SPAG16: variants seen among roughly 807,000 people sequenced by gnomAD.
SPAG16 encodes the protein sperm-associated antigen 16 protein.
SPAG16 carries 86 observed loss-of-function variants against 80.4 expected under a neutral mutation model. The ratio of observed to expected loss-of-function variants is 1.07; its 90% CI spans 0.90 to 1.28. SPAG16 has a LOEUF of 1.28. Ranked by LOEUF, SPAG16 falls within the 50% of genes most tolerant of loss-of-function variation. SPAG16 has a pLI of 0.00. For synonymous variants in SPAG16, 294 were observed against 265.9 expected, an observed-to-expected ratio of 1.11 and a Z score of -1.03; for missense variants, 870 against 765.3, an observed-to-expected ratio of 1.14 and a Z score of -1.61.
intron 10 of SPAG16, among the ~76,000 whole-genome samples, chr2:213,828,154 G>A (rs2073413553): frequency 6.6e-6 from 1 of 151,988 alleles, no homozygotes; most frequent in Non-Finnish European, 1.5e-5. Flanking sequence ...CAGTGACTTA[G>A]ATTTGCCCTT....
intron 10 of SPAG16, among the ~76,000 whole-genome samples, chr2:213,528,833 G>A (rs1049266142): frequency 1.5e-4 from 23 of 152,182 alleles, no homozygotes; most frequent in African/African-American, 5.5e-4. Context: ...ACGAATTTGT[G>A]TTGAGCTGAA....
At chr2:214,152,079 C>G (rs1294247986) in intron 15 of SPAG16, among the ~76,000 whole-genome samples, 1 of 151,996 alleles carries the variant, frequency 6.6e-6, no homozygotes, top group Non-Finnish European at 1.5e-5. Context: ...ACTGCAAATC[C>G]AACACAGTAT....
At chr2:214,155,489 G>A (rs1370340359) in intron 15 of SPAG16, among the ~76,000 whole-genome samples, 1 of 151,914 alleles carries the variant, frequency 6.6e-6, no homozygotes, top group Non-Finnish European at 1.5e-5. Flanking sequence ...TATATGGCCT[G>A]CAAAGTCTAA....
intron 10 of SPAG16, among the ~76,000 whole-genome samples, chr2:213,761,897 C>CA (rs11307655): frequency 8.0e-5 from 12 of 150,622 alleles, no homozygotes; most frequent in Middle Eastern, 3.5e-3. Flanking sequence ...AAAAACAAAA[C>CA]AAAAAAAAAC....
At chr2:213,309,168 G>C (rs902447172) in intron 3 of SPAG16, among the ~76,000 whole-genome samples, 1 of 152,038 alleles carries the variant, frequency 6.6e-6, no homozygotes, top group African/African-American at 2.4e-5. Flanking sequence ...TTCGGATTAG[G>C]GATTGCTCAA....
At chr2:214,041,978 G>T (rs868446295) in intron 13 of SPAG16, among the ~76,000 whole-genome samples, 1 of 116,362 alleles carries the variant, frequency 8.6e-6, no homozygotes, top group Admixed American at 8.5e-5. Context: ...GTCTGTGTGT[G>T]TATATATATA....
chr2:213,418,151 G>T (rs1329609588), intron 9 of SPAG16, among the ~76,000 whole-genome samples: 1 of 152,110 alleles, frequency 6.6e-6, no homozygotes, highest in African/African-American at 2.4e-5. Context: ...GGGATTACAG[G>T]CATGAGCCAT....
At chr2:213,795,589 T>C (rs1428822371) in intron 10 of SPAG16, among the ~76,000 whole-genome samples, 1 of 152,210 alleles carries the variant, frequency 6.6e-6, no homozygotes, top group African/African-American at 2.4e-5. Context: ...TGGATCTTTG[T>C]CACCACCTAA....
chr2:213,549,128 A>G (rs911629754), intron 10 of SPAG16, among the ~76,000 whole-genome samples: 6 of 152,184 alleles, frequency 3.9e-5, no homozygotes, highest in Admixed American at 6.5e-5. Flanking sequence ...CAATTTTAAT[A>G]TGACCAATTT....
chr2:213,449,511 C>T (rs188789657), intron 9 of SPAG16, among the ~76,000 whole-genome samples: 96 of 152,252 alleles, frequency 6.3e-4, no homozygotes, highest in African/African-American at 2.3e-3. Flanking sequence ...ATGGTCCTAC[C>T]GATATGTGAT....
chr2:214,322,768 C>T (rs1696190551), intron 15 of SPAG16, among the ~76,000 whole-genome samples: 1 of 152,106 alleles, frequency 6.6e-6, no homozygotes, highest in South Asian at 2.1e-4. Flanking sequence ...AGTTACTTCT[C>T]CAGGGAAGAA....
intron 15 of SPAG16, among the ~76,000 whole-genome samples, chr2:214,198,359 T>G (rs538566838): frequency 6.6e-6 from 1 of 152,238 alleles, no homozygotes; most frequent in South Asian, 2.1e-4. Context: ...ATTTGGTTTT[T>G]CCATTCCTGA....
At chr2:214,191,484 G>A (rs1206580896) in intron 15 of SPAG16, among the ~76,000 whole-genome samples, 4 of 151,900 alleles carry the variant, frequency 2.6e-5, no homozygotes. Flanking sequence ...AGACCAAGGT[G>A]GGCAGATTAC....
At chr2:214,223,342 T>C (rs549009151) in intron 15 of SPAG16, among the ~76,000 whole-genome samples, 1 of 152,260 alleles carries the variant, frequency 6.6e-6, no homozygotes, top group East Asian at 1.9e-4. Flanking sequence ...GAATAGTAAT[T>C]TTCCCATGTG....
At chr2:214,092,378 C>T (rs1327143826) in intron 13 of SPAG16, among the ~76,000 whole-genome samples, 1 of 152,016 alleles carries the variant, frequency 6.6e-6, no homozygotes, top group Non-Finnish European at 1.5e-5. Flanking sequence ...GTAGTTGTCA[C>T]TTTATTTTGC....
At chr2:213,290,311 T>G (rs892279981) in intron 1 of SPAG16, among the ~76,000 whole-genome samples, 12 of 152,204 alleles carry the variant, frequency 7.9e-5, no homozygotes, top group Admixed American at 6.5e-4. Context: ...AGTCTGTGTC[T>G]AGGTTATGAC....
chr2:214,198,982 C>T (rs569722349), intron 15 of SPAG16, among the ~76,000 whole-genome samples: 58 of 151,990 alleles, frequency 3.8e-4, no homozygotes, highest in African/African-American at 1.4e-3. Context: ...TGTTGAGTTC[C>T]TTGTAGATTC....
intron 10 of SPAG16, among the ~76,000 whole-genome samples, chr2:213,504,796 AGG>A (rs1191627418): frequency 6.6e-6 from 1 of 152,238 alleles, no homozygotes; most frequent in African/African-American, 2.4e-5. Flanking sequence ...TAATCAAGTG[AGG>A]TTGAATTCTG....
At chr2:213,701,085 C>T (rs1311360996) in intron 10 of SPAG16, among the ~76,000 whole-genome samples, 1 of 151,936 alleles carries the variant, frequency 6.6e-6, no homozygotes, top group Non-Finnish European at 1.5e-5. Context: ...ACTAAAAATA[C>T]AAAAATTAGC....
Sources: gnomAD v4.1 joint callset for allele counts (sites outside exome capture counted in the v4.1 genomes callset) on GRCh38, gnomAD v4.1.1 for gene constraint, MANE v1.5 for transcripts, NCBI Gene and HGNC (gene_info 2026-07-23, HGNC 2026-07-21) for gene names.